APIP: variants seen among roughly 807,000 people sequenced by gnomAD.
The protein encoded by APIP is APAF1 interacting protein.
Under a neutral mutation model 32.0 loss-of-function variants are expected in APIP, and 32 were observed. That is an observed-to-expected ratio of 1.00 (90% CI 0.76 to 1.34). The LOEUF (loss-of-function observed/expected upper bound fraction) is 1.34, where lower values mean the gene tolerates loss of function less well. APIP is among the 40% of genes most tolerant of loss of function. APIP has a pLI of 0.00. For synonymous variants in APIP, 92 were observed against 94.8 expected (o/e 0.97, Z 0.17); for missense variants, 247 against 298.6 (o/e 0.83, Z 1.27).
At chr11:34,884,227 A>C (rs951332060) in intron 5 of APIP, among the ~76,000 whole-genome samples, 2 of 152,150 alleles carry the variant, frequency 1.3e-5, no homozygotes, top group African/African-American at 4.8e-5. Context: ...TTGTTTTGTT[A>C]ATGTAACATC....
intron 1 of APIP, among the ~76,000 whole-genome samples, chr11:34,897,706 C>T (rs1022926302): frequency 6.6e-6 from 1 of 152,126 alleles, no homozygotes; most frequent in African/African-American, 2.4e-5. Context: ...GTGATTCCCA[C>T]CCTCTTCTTG....
chr11:34,888,531 G>A, intron 4 of APIP, 103 bp from the exon 5 acceptor site: 2 of 1,474,418 alleles, frequency 1.4e-6, no homozygotes, highest in South Asian at 2.7e-5. Flanking sequence ...TATGGTTATG[G>A]GCTTATTTTT....
rs1021343097 is a variant in APIP at position 34,888,400 on chromosome 11, A to T, written c.354T>A (p.Ser118=). The T allele has an allele frequency of 4.3e-6, 7 of 1,611,370 alleles. No homozygotes were observed. The highest frequency in any genetic ancestry group is 5.9e-6 in the Non-Finnish European group (7 of 1,178,868). Residue 118 remains serine (S), a synonymous_variant, in exon 5 of 7, where the codon TCT becomes TCA. Transcript: ENST00000395787. The stretch of plus-strand genomic sequence containing the variant: ...GAAGTGTGGCCATCACAGCAGCTTT[A>T]GAGTGGGTATGAATCACTGCACCTG... ...RGAGAVIHTH[S]KAAVMATLLF...
chr11:34,899,903 C>T (rs1853347574), intron 1 of APIP, among the ~76,000 whole-genome samples: 1 of 152,220 alleles, frequency 6.6e-6, no homozygotes, highest in Non-Finnish European at 1.5e-5. Context: ...TTTATTCTCA[C>T]TTCTCTTTCT....
At chr11:34,909,705 A>G (rs1244686057) in intron 1 of APIP, among the ~76,000 whole-genome samples, 1 of 152,186 alleles carries the variant, frequency 6.6e-6, no homozygotes, top group Non-Finnish European at 1.5e-5. Flanking sequence ...TGTAGGGGCA[A>G]GATGTGGAAG....
intron 1 of APIP, among the ~76,000 whole-genome samples, chr11:34,914,333 C>T (rs984688): frequency 3.6e-4 from 55 of 152,322 alleles, no homozygotes; most frequent in South Asian, 1.9e-3. Context: ...ACATAGTAGG[C>T]GCTCACTAAA....
At position 34,904,638 on chromosome 11, in the gene APIP, A is replaced by G. The variant is rs1442216982; in HGVS notation, c.58-9528T>C. On this transcript the variant is annotated intron_variant, in intron 1 of 6. Transcript: ENST00000395787. The stretch of plus-strand genomic sequence containing the variant: ...ACTAGCAAAAGCCCAACCCCAGGAA[A>G]CTGGACCACCTCTGTTTAACCCAGG... 2.0e-5 allele frequency among the ~76,000 whole-genome samples: 3 copies of G among 152,192 alleles called. No individual in the cohort carries two copies. The East Asian group carries it at 5.8e-4, about 29-fold the overall frequency.
chr11:34,909,451 C>T (rs1008611036), intron 1 of APIP, among the ~76,000 whole-genome samples: 7 of 152,092 alleles, frequency 4.6e-5, no homozygotes, highest in African/African-American at 7.2e-5. Flanking sequence ...CTTTGATTAA[C>T]GCAGTCAAGG....
intron 1 of APIP, among the ~76,000 whole-genome samples, chr11:34,898,825 G>T (rs767963323): frequency 2.8e-4 from 33 of 116,170 alleles, no homozygotes; most frequent in Non-Finnish European, 4.7e-4. Flanking sequence ...TTGAGGCAGA[G>T]TCTCGCTCTT....
chr11:34,914,779 G>C (rs1853630885), intron 1 of APIP, among the ~76,000 whole-genome samples: 1 of 151,980 alleles, frequency 6.6e-6, no homozygotes, highest in African/African-American at 2.4e-5. Flanking sequence ...TTAGGGGGGT[G>C]GATCACCTGA....
At chr11:34,907,733 A>G (rs1040433278) in intron 1 of APIP, among the ~76,000 whole-genome samples, 3 of 152,214 alleles carry the variant, frequency 2.0e-5, no homozygotes, top group Non-Finnish European at 4.4e-5. Context: ...TAATTTTGAA[A>G]TGTGTATCTA....
intron 1 of APIP, among the ~76,000 whole-genome samples, chr11:34,915,607 TA>T (rs1322091513): frequency 6.6e-6 from 1 of 152,186 alleles, no homozygotes; most frequent in African/African-American, 2.4e-5. Flanking sequence ...AGGCGCTCCA[TA>T]AAACTGTTGG....
Position 34,916,217 on chromosome 11 carries a change from C to A in APIP, c.57+11G>T. ...CCTGGGAATACCGGGCACCGGTGGC[C>A]CCGCCCCTACCTGCGCGCCGCATCT... On this transcript the variant is annotated intron_variant, in intron 1 of 6. Coordinates refer to ENST00000395787, the MANE Select transcript of APIP (RefSeq NM_015957.4). 1 of 1,609,060 alleles carries A rather than the reference C, an allele frequency of 6.2e-7. No individual in the cohort carries two copies. Among genetic ancestry groups the A allele is most frequent in the Non-Finnish European group, 8.5e-7 (1 of 1,178,616 alleles).
intron 1 of APIP, among the ~76,000 whole-genome samples, chr11:34,900,159 T>C (rs993418813): frequency 6.6e-6 from 1 of 152,236 alleles, no homozygotes; most frequent in African/African-American, 2.4e-5. Flanking sequence ...CCCCTATGTA[T>C]AGACTTTCTT....
At chr11:34,901,899 G>A (rs1301946215) in intron 1 of APIP, among the ~76,000 whole-genome samples, 1 of 152,142 alleles carries the variant, frequency 6.6e-6, no homozygotes, top group Non-Finnish European at 1.5e-5. Context: ...GAGCCCAGAG[G>A]CTAGGAAAGG....
chr11:34,890,514 T>G lies in APIP; in HGVS notation c.197A>C (p.Glu66Ala), dbSNP rs1853169427. Residue 66 changes from glutamate (E) to alanine (A), a missense_variant, in exon 3 of 7, where the codon GAA (glutamate) becomes GCA (alanine). Physicochemically the swap from Glu to Ala is moderately radical, Grantham distance 107 (BLOSUM62 -1). Coordinates refer to ENST00000395787, the MANE Select transcript of APIP (RefSeq NM_015957.4). ...IYIAPSGVQK[E>A]RIQPEDMFVC... is the part of the protein sequence containing the mutation. ...ATCCCATTACCATACCTGAATTCGTTCCTTTTGCACTCCTGAAGGAGCAAT... is the reference window on the plus strand; with the variant it reads ...ATCCCATTACCATACCTGAATTCGTGCCTTTTGCACTCCTGAAGGAGCAAT... 2 of 1,609,762 alleles carry G rather than the reference T, an allele frequency of 1.2e-6. No individual in the cohort carries two copies. The highest frequency in any genetic ancestry group is 3.4e-5 in the Admixed American group (2 of 59,598).
At chr11:34,914,285 C>T (rs1853612183) in intron 1 of APIP, among the ~76,000 whole-genome samples, 1 of 152,140 alleles carries the variant, frequency 6.6e-6, no homozygotes, top group Non-Finnish European at 1.5e-5. Flanking sequence ...GAGAAGGAAC[C>T]AGATGCAGCT....
intron 1 of APIP, among the ~76,000 whole-genome samples, chr11:34,896,023 T>C (rs1853263511): frequency 6.6e-6 from 1 of 152,150 alleles, no homozygotes; most frequent in Admixed American, 6.5e-5. Context: ...GAAAGTAAAG[T>C]TTCACAGGGG....
intron 5 of APIP, among the ~76,000 whole-genome samples, 195 bp from the exon 6 acceptor site, chr11:34,883,699 T>C (rs1853011736): frequency 6.6e-6 from 1 of 152,188 alleles, no homozygotes; most frequent in South Asian, 2.1e-4. Flanking sequence ...ACCTTGGGAA[T>C]GTGGCAGGCT....
Sources: allele counts gnomAD v4.1 joint callset (sites outside exome capture counted in the v4.1 genomes callset), GRCh38; gene constraint gnomAD v4.1.1; transcripts MANE v1.5; gene names NCBI Gene and HGNC (gene_info 2026-07-23, HGNC 2026-07-21).